The following MEIS3 variants were observed in gnomAD, a reference collection of about 807,000 sequenced individuals.
MEIS3 encodes the protein homeobox protein Meis3.
Under a neutral mutation model 51.4 loss-of-function variants are expected in MEIS3, and 38 were observed. The ratio of observed to expected loss-of-function variants is 0.74; its 90% CI spans 0.57 to 0.97. The LOEUF (loss-of-function observed/expected upper bound fraction) is 0.97, where lower values mean the gene tolerates loss of function less well. Ranked by LOEUF, MEIS3 falls within the 50% of genes least tolerant of loss-of-function variation. The pLI is 0.00. For missense variants in MEIS3, 456 were observed against 502.6 expected (o/e 0.91, Z 0.89); for synonymous variants, 198 against 201.8 (o/e 0.98, Z 0.16).
At chr19:47,412,619 T>A (rs927825106) in intron 6 of MEIS3, among the ~76,000 whole-genome samples, 1 of 152,110 alleles carries the variant, frequency 6.6e-6, no homozygotes, top group African/African-American at 2.4e-5. Flanking sequence ...TGAAGTGCAA[T>A]AGCGCGATCT....
At chr19:47,404,189 A>G (rs552406895) in intron 12 of MEIS3, among the ~76,000 whole-genome samples, 1 of 152,146 alleles carries the variant, frequency 6.6e-6, no homozygotes, top group East Asian at 1.9e-4. Context: ...GGAGACAGAA[A>G]GGAGCAGAGA....
At chr19:47,415,349 G>A (rs1406136665) in intron 4 of MEIS3, among the ~76,000 whole-genome samples, 2 of 151,956 alleles carry the variant, frequency 1.3e-5, no homozygotes, top group African/African-American at 2.4e-5. Context: ...AGCAAGAGAC[G>A]AAAAAGGACC....
intron 6 of MEIS3, among the ~76,000 whole-genome samples, chr19:47,411,502 G>C (rs1971128852): frequency 6.6e-6 from 1 of 150,500 alleles, no homozygotes; most frequent in African/African-American, 2.4e-5. Context: ...TCTCAGAATT[G>C]TAGCTAAGGG....
At chr19:47,406,309 AGATG>A (rs1485708379) in intron 12 of MEIS3, 147 bp downstream of exon 12, 2 of 579,174 alleles carry the variant, frequency 3.5e-6, no homozygotes, top group Non-Finnish European at 6.2e-6. Flanking sequence ...ACGGACGGAC[AGATG>A]GATGAATATC....
At chr19:47,406,368 G>C (rs1488357848) in intron 12 of MEIS3, 92 bp downstream of exon 12, 6 of 1,035,470 alleles carry the variant, frequency 5.8e-6, no homozygotes, top group African/African-American at 1.6e-5. Context: ...GACCCAGGCT[G>C]ACCCACTACT....
upstream of MEIS3, among the ~76,000 whole-genome samples, chr19:47,420,332 G>T (rs933177740): frequency 9.9e-5 from 15 of 152,206 alleles, no homozygotes; most frequent in Middle Eastern, 6.8e-3. Context: ...TTGCTTTTTT[G>T]GGGGGTGGTG....
Position 47,414,629 on chromosome 19 carries a change from G to A in MEIS3, c.597+88C>T. The A allele has an allele frequency of 2.7e-6, 4 of 1,457,542 alleles. No individual in the cohort carries two copies. The South Asian group carries it at 3.9e-5, about 14-fold the overall frequency. The allele number at this position is 1,457,542 out of a possible 1,614,324, so 90.3% of individuals were successfully genotyped here. A position where few individuals can be genotyped will look rare whatever the true frequency, so the allele number is the denominator to read the frequency against. On this transcript the variant is annotated intron_variant, in intron 6 of 12. Coordinates refer to ENST00000558555, the MANE Select transcript of MEIS3 (RefSeq NM_001301059.2). ...GATCAGGCTGACTGTGGCTTCGTCT[G>A]AGGCTGTGTAGTGCACATGCGCCCT...
intron 8 of MEIS3, chr19:47,407,741 G>A (rs1970920883): frequency 4.0e-6 from 2 of 499,408 alleles, no homozygotes. Context: ...CGTCGGGGAG[G>A]GAAGCAAAGC....
At chr19:47,405,268 C>T (rs1970760538) in intron 12 of MEIS3, among the ~76,000 whole-genome samples, 1 of 152,166 alleles carries the variant, frequency 6.6e-6, no homozygotes, top group South Asian at 2.1e-4. Flanking sequence ...TACCAGGCCA[C>T]AGAAGACTCA....
Position 47,417,259 on chromosome 19 carries a change from T to C in MEIS3, c.104A>G (p.Tyr35Cys), listed in dbSNP as rs762895539. The part of the protein sequence containing the change: ...PETVPAVPGP[Y>C]GPHRPPQPLP... ...GGGCTGGGGAGGCCGGTGCGGGCCA[T>C]AGGGCCCTGGTACTGCGGGCACTGT... is the stretch of plus-strand genomic sequence containing the variant. Residue 35 changes from tyrosine to cysteine, a missense_variant, in exon 2 of 13, where the codon TAT becomes TGT. By Grantham distance (194) the Tyr-to-Cys change is radical. Coordinates refer to ENST00000558555, the MANE Select transcript of MEIS3 (RefSeq NM_001301059.2). 96 of 1,611,208 alleles carry C rather than the reference T, an allele frequency of 6.0e-5. 1 individual carries two copies. In the South Asian group the frequency reaches 9.8e-4, roughly 16 times the overall value.
intron 3 of MEIS3, 39 bp downstream of exon 3, chr19:47,416,765 G>A (rs765764636): frequency 6.2e-7 from 1 of 1,612,792 alleles, no homozygotes; most frequent in Non-Finnish European, 8.5e-7. Context: ...CTCCTCGCTG[G>A]CTCTCTGACT....
At chr19:47,404,812 G>T (rs1970742160) in intron 12 of MEIS3, among the ~76,000 whole-genome samples, 1 of 152,176 alleles carries the variant, frequency 6.6e-6, no homozygotes, top group African/African-American at 2.4e-5. Flanking sequence ...CCCGTTCTGG[G>T]GCATCACCAT....
chr19:47,411,226 G>C (rs1971117361), intron 6 of MEIS3, among the ~76,000 whole-genome samples: 1 of 152,128 alleles, frequency 6.6e-6, no homozygotes, highest in Admixed American at 6.6e-5. Flanking sequence ...GTGAGCCACT[G>C]CGCCAGGCCC....
Position 47,409,429 on chromosome 19 carries a change from T to A in MEIS3, c.709+7A>T, listed in dbSNP as rs749053869. On this transcript the variant is annotated splice_region_variant and intron_variant, in intron 7 of 12. Transcript: ENST00000558555. ...CATGTTTCCCTTCCACCTCCCAAGATTCTCACCTTGGTCACTGGAGTTGTC... is the reference window on the plus strand; with the variant it reads ...CATGTTTCCCTTCCACCTCCCAAGAATCTCACCTTGGTCACTGGAGTTGTC... 3.7e-6 allele frequency: 6 copies of A among 1,610,996 alleles called. No homozygotes were observed. In the East Asian group the frequency reaches 1.3e-4, roughly 36 times the overall value.
At chr19:47,411,007 G>A (rs1369741694) in intron 6 of MEIS3, among the ~76,000 whole-genome samples, 1 of 152,012 alleles carries the variant, frequency 6.6e-6, no homozygotes, top group Non-Finnish European at 1.5e-5. Context: ...CATGATCTAG[G>A]CTCAATGCAG....
upstream of MEIS3, among the ~76,000 whole-genome samples, chr19:47,420,965 CTCTCTCTCTT>C (rs1213518536): frequency 1.3e-3 from 196 of 145,824 alleles, 3 homozygotes; most frequent in African/African-American, 4.4e-3. Flanking sequence ...CTCTCTCTCT[CTCTCTCTCTT>C]CCTGGCTGTC....
At chr19:47,414,639 A>C in intron 6 of MEIS3, 78 bp downstream of exon 6, 4 of 1,480,152 alleles carry the variant, frequency 2.7e-6, no homozygotes, top group East Asian at 2.5e-5. Context: ...GAGGCTGTGT[A>C]GTGCACATGC....
chr19:47,407,833 G>A (rs1401275068), intron 8 of MEIS3, among the ~76,000 whole-genome samples: 1 of 152,142 alleles, frequency 6.6e-6, no homozygotes, highest in African/African-American at 2.4e-5. Context: ...ATTTGAGATG[G>A]AGTCTTGCTC....
chr19:47,405,173 C>G (rs1970756049), intron 12 of MEIS3, among the ~76,000 whole-genome samples: 2 of 152,206 alleles, frequency 1.3e-5, no homozygotes, highest in Admixed American at 1.3e-4. Context: ...GTCTTCTTAT[C>G]TATGAAATTA....
Sources: allele counts gnomAD v4.1 joint callset (sites outside exome capture counted in the v4.1 genomes callset), GRCh38; gene constraint gnomAD v4.1.1; transcripts MANE v1.5; gene names NCBI Gene and HGNC (gene_info 2026-07-23, HGNC 2026-07-21).